The following KIFAP3 variants were observed in gnomAD, a reference collection of about 807,000 sequenced individuals.
KIFAP3 encodes kinesin-associated protein 3.
A neutral mutation model predicts 106.5 loss-of-function variants in KIFAP3; 68 were observed. The ratio of observed to expected loss-of-function variants is 0.64; its 90% CI spans 0.53 to 0.78. The LOEUF is 0.78. Among genes scored for constraint, KIFAP3 ranks in the 30% least tolerant of loss-of-function variants. The probability of loss-of-function intolerance (pLI) is 0.00; values close to 1 mark genes in which losing one functional copy is unlikely to be tolerated. For missense variants in KIFAP3, 780 were observed against 941.8 expected (o/e 0.83, Z 2.25); for synonymous variants, 320 against 311.5 (o/e 1.03, Z -0.29).
intron 10 of KIFAP3, 117 bp from the exon 11 acceptor site, chr1:169,992,372 G>A (rs1667148854): frequency 4.4e-6 from 2 of 451,840 alleles, no homozygotes; most frequent in Non-Finnish European, 7.5e-6. Context: ...AACTTAATCT[G>A]AAAAATATTT....
chr1:170,083,684 A>G (rs1672055146), intron 1 of KIFAP3, among the ~76,000 whole-genome samples: 1 of 152,288 alleles, frequency 6.6e-6, no homozygotes, highest in East Asian at 1.9e-4. Context: ...TTTATTACCT[A>G]CCTACCATTT....
chr1:170,024,781 T>TTG (rs146826585), intron 8 of KIFAP3, 185 bp from the exon 9 acceptor site: 1 of 399,078 alleles, frequency 2.5e-6, no homozygotes, highest in Non-Finnish European at 4.4e-6. Context: ...GGATATGTGT[T>TTG]TGTGTGTGTG....
At chr1:169,961,016 T>C (rs1485910285) in intron 18 of KIFAP3, 30 bp downstream of exon 18, 1 of 1,585,564 alleles carries the variant, frequency 6.3e-7, no homozygotes, top group Non-Finnish European at 8.6e-7. Context: ...TAGCATATAA[T>C]AAACTGTTTA....
chr1:170,030,536 A>G (rs1230404801), intron 8 of KIFAP3, among the ~76,000 whole-genome samples: 1 of 151,954 alleles, frequency 6.6e-6, no homozygotes, highest in Admixed American at 6.6e-5. Flanking sequence ...AAATGTTCAC[A>G]GCAGCATTAA....
intron 1 of KIFAP3, among the ~76,000 whole-genome samples, chr1:170,072,561 C>G (rs1671754857): frequency 6.6e-6 from 1 of 152,078 alleles, no homozygotes; most frequent in South Asian, 2.1e-4. Flanking sequence ...ATGTAAGAAT[C>G]AAACACCAAA....
chr1:169,974,863 A>C (rs2101895558), intron 16 of KIFAP3, among the ~76,000 whole-genome samples: 1 of 152,054 alleles, frequency 6.6e-6, no homozygotes, highest in Middle Eastern at 3.4e-3. Flanking sequence ...ACAAATGTGG[A>C]TTATAATCTT....
intron 10 of KIFAP3, among the ~76,000 whole-genome samples, chr1:170,016,030 A>T (rs1314106341): frequency 6.6e-6 from 1 of 152,166 alleles, no homozygotes; most frequent in Non-Finnish European, 1.5e-5. Flanking sequence ...CTATTAAAAA[A>T]AATATACCCT....
rs147755475 is a variant in KIFAP3, at chr1:169,987,949, C to G, written c.1285-3259G>C. Among the ~76,000 whole-genome samples the G allele has an allele frequency of 3.2e-3, 490 of 152,018 alleles. 6 individuals carry two copies. The highest frequency in any genetic ancestry group is 0.012 in the African/African-American group (481 of 41,486). Reference sequence around the variant, plus strand: ...ATACAACCATTAACTCCCGCTTATCCTCAAGTATGCCTACCTGAAACAATC... The same window carrying G: ...ATACAACCATTAACTCCCGCTTATCGTCAAGTATGCCTACCTGAAACAATC... On this transcript the variant is annotated intron_variant, in intron 11 of 19. Coordinates refer to ENST00000361580, the MANE Select transcript of KIFAP3 (RefSeq NM_014970.4).
rs1665179771 is a variant in KIFAP3 at position 169,959,035 on chromosome 1, AAAGAT to A, written c.2173+2006_2173+2010del. On this transcript the variant is annotated intron_variant, in intron 18 of 19. Transcript: ENST00000361580. ...GCACATGCCATTTCATTTTAAAGTA[AAAGAT>A]AAGACCCAGGGAATTACGAGCCTCT... 3.9e-5 allele frequency among the ~76,000 whole-genome samples: 6 copies of A among 152,200 alleles called. No homozygotes were observed. The South Asian group carries it at 1.2e-3, about 31-fold the overall frequency.
intron 15 of KIFAP3, among the ~76,000 whole-genome samples, chr1:169,979,336 C>A (rs1666387226): frequency 6.6e-6 from 1 of 151,780 alleles, no homozygotes; most frequent in African/African-American, 2.4e-5. Context: ...GAAGAGTGTA[C>A]CAAAGTAAAT....
intron 18 of KIFAP3, among the ~76,000 whole-genome samples, chr1:169,958,806 T>C (rs1246444665): frequency 6.6e-6 from 1 of 152,188 alleles, no homozygotes; most frequent in African/African-American, 2.4e-5. Flanking sequence ...AACAGCTTCA[T>C]TTTCATAATA....
At chr1:170,000,579 A>G (rs1331930586) in intron 10 of KIFAP3, among the ~76,000 whole-genome samples, 1 of 152,180 alleles carries the variant, frequency 6.6e-6, no homozygotes, top group Non-Finnish European at 1.5e-5. Context: ...ACACACTGAC[A>G]TAGACTAAAA....
intron 19 of KIFAP3, among the ~76,000 whole-genome samples, chr1:169,934,177 T>C (rs570107275): frequency 6.6e-6 from 1 of 152,254 alleles, no homozygotes; most frequent in South Asian, 2.1e-4. Flanking sequence ...ATACACATGC[T>C]TTCTGTTTTG....
intron 1 of KIFAP3, among the ~76,000 whole-genome samples, chr1:170,064,255 C>T (rs964238043): frequency 3.3e-5 from 5 of 152,138 alleles, no homozygotes; most frequent in African/African-American, 1.2e-4. Flanking sequence ...ATCTTACTAC[C>T]TGTTTAGGAC....
At chr1:170,033,461 T>C (rs1669517626) in intron 7 of KIFAP3, among the ~76,000 whole-genome samples, 1 of 151,782 alleles carries the variant, frequency 6.6e-6, no homozygotes, top group African/African-American at 2.4e-5. Flanking sequence ...TAATAAACAC[T>C]TGATTCAAAG....
chr1:169,960,231 T>C (rs959162984), intron 18 of KIFAP3, among the ~76,000 whole-genome samples: 6 of 152,220 alleles, frequency 3.9e-5, no homozygotes, highest in African/African-American at 9.6e-5. Flanking sequence ...ACTAAATGCA[T>C]AGTAGAAACA....
rs190678429 is a variant in KIFAP3 at position 170,020,309 on chromosome 1, A to G, written c.1021-3685T>C. 1.7e-3 allele frequency among the ~76,000 whole-genome samples: 261 copies of G among 152,168 alleles called. 1 individual carries two copies. The highest frequency in any genetic ancestry group is 6.1e-3 in the African/African-American group (254 of 41,472). Reference sequence around the variant, plus strand: ...AATAACTCTGAAAAAGAATACCAACATTGGCAGCCTCTTACTGCTTGATTT... The same window carrying G: ...AATAACTCTGAAAAAGAATACCAACGTTGGCAGCCTCTTACTGCTTGATTT... On this transcript the variant is annotated intron_variant, in intron 9 of 19. Coordinates refer to ENST00000361580, the MANE Select transcript of KIFAP3 (RefSeq NM_014970.4).
At chr1:170,033,638 A>C (rs1396796688) in intron 7 of KIFAP3, among the ~76,000 whole-genome samples, 1 of 151,776 alleles carries the variant, frequency 6.6e-6, no homozygotes, top group African/African-American at 2.4e-5. Context: ...GCCTTATTCC[A>C]TATTGCTTTA....
intron 10 of KIFAP3, among the ~76,000 whole-genome samples, chr1:169,995,718 T>C (rs1171358029): frequency 6.6e-6 from 1 of 152,098 alleles, no homozygotes; most frequent in East Asian, 1.9e-4. Context: ...GAAAAAATTC[T>C]AAAAAGCAAT....
Sources: gnomAD v4.1 joint callset for allele counts (sites outside exome capture counted in the v4.1 genomes callset) on GRCh38, gnomAD v4.1.1 for gene constraint, MANE v1.5 for transcripts, NCBI Gene and HGNC (gene_info 2026-07-23, HGNC 2026-07-21) for gene names.